Variants in XPO5 observed in about 807,000 individuals in gnomAD.
The protein encoded by XPO5 is exportin-5.
A neutral mutation model predicts 160.6 loss-of-function variants in XPO5; 46 were observed. The ratio of observed to expected loss-of-function variants is 0.29; its 90% CI spans 0.23 to 0.37. XPO5 has a LOEUF of 0.37. Ranked by LOEUF, XPO5 falls within the 10% of genes least tolerant of loss-of-function variation. The pLI, the probability that XPO5 is intolerant of heterozygous loss-of-function variation, is 1.00. For synonymous variants in XPO5, 537 were observed against 519.3 expected (o/e 1.03, Z -0.46); for missense variants, 1,090 against 1,463.9 (o/e 0.74, Z 4.17).
chr6:43,535,306 A>G (rs1185630331), intron 20 of XPO5, among the ~76,000 whole-genome samples: 2 of 151,470 alleles, frequency 1.3e-5, no homozygotes, highest in South Asian at 2.1e-4. Flanking sequence ...AAGTGTTTCT[A>G]TGGCTGGGCC....
At chr6:43,567,540 A>C (rs1762757393) in intron 6 of XPO5, among the ~76,000 whole-genome samples, 186 bp from the exon 7 acceptor site, 1 of 152,188 alleles carries the variant, frequency 6.6e-6, no homozygotes, top group Non-Finnish European at 1.5e-5. Context: ...TCCAACAACA[A>C]GACCATACTG....
At chr6:43,572,417 A>C in intron 3 of XPO5, 89 bp downstream of exon 3, 1 of 1,262,284 alleles carries the variant, frequency 7.9e-7, no homozygotes, top group Non-Finnish European at 1.2e-6. Flanking sequence ...ATTTAGAAGC[A>C]GTGAATTTTT....
intron 28 of XPO5, 21 bp downstream of exon 28, chr6:43,525,818 T>C (rs1793549523): frequency 1.2e-6 from 2 of 1,613,130 alleles, no homozygotes; most frequent in Non-Finnish European, 1.7e-6. Context: ...AGTAAAGGTA[T>C]CACCTGCTCC....
At chr6:43,527,416 C>G (rs1793665976) in intron 26 of XPO5, 2 of 433,038 alleles carry the variant, frequency 4.6e-6, no homozygotes, top group South Asian at 4.8e-5. Context: ...GGACTACAGG[C>G]CTGCGCGCCA....
At chr6:43,554,679 T>C (rs904745412) in intron 13 of XPO5, among the ~76,000 whole-genome samples, 1 of 152,112 alleles carries the variant, frequency 6.6e-6, no homozygotes, top group Non-Finnish European at 1.5e-5. Context: ...AGCCTCGGCC[T>C]CCTGAAGTGC....
At chr6:43,540,714 G>A (rs796250169) in intron 20 of XPO5, among the ~76,000 whole-genome samples, 4 of 152,316 alleles carry the variant, frequency 2.6e-5, no homozygotes, top group African/African-American at 9.6e-5. Context: ...CTGGTCTCCA[G>A]CAATGTTCCT....
intron 13 of XPO5, 75 bp from the exon 14 acceptor site, chr6:43,553,578 CACAG>C: frequency 2.7e-6 from 4 of 1,500,342 alleles, no homozygotes; most frequent in Non-Finnish European, 3.6e-6. Flanking sequence ...TCGCAGAAGA[CACAG>C]AGAGACAATG....
intron 20 of XPO5, among the ~76,000 whole-genome samples, chr6:43,535,696 C>T (rs924362527): frequency 1.2e-4 from 18 of 151,682 alleles, no homozygotes; most frequent in Non-Finnish European, 2.2e-4. Context: ...CGCCTGTAGT[C>T]CCAGCTACTC....
chr6:43,564,740 T>A (rs1343406683), intron 8 of XPO5, among the ~76,000 whole-genome samples: 3 of 152,080 alleles, frequency 2.0e-5, no homozygotes, highest in Admixed American at 2.0e-4. Flanking sequence ...TAGCTGGGAC[T>A]ACAAGTACAC....
intron 17 of XPO5, among the ~76,000 whole-genome samples, chr6:43,549,182 C>G (rs542757400): frequency 1.3e-5 from 2 of 152,232 alleles, no homozygotes; most frequent in Admixed American, 6.5e-5. Flanking sequence ...CTGCCTCAGC[C>G]TCCTGACTAG....
At chr6:43,534,560 G>C (rs1794196597) in intron 20 of XPO5, among the ~76,000 whole-genome samples, 1 of 152,194 alleles carries the variant, frequency 6.6e-6, no homozygotes, top group African/African-American at 2.4e-5. Context: ...CTGTGAACTT[G>C]ATATACCCGC....
At chr6:43,572,154 T>C (rs1330641901) in intron 3 of XPO5, among the ~76,000 whole-genome samples, 3 of 152,242 alleles carry the variant, frequency 2.0e-5, no homozygotes, top group Non-Finnish European at 4.4e-5. Context: ...CACAGCTCAC[T>C]GCAGCCTGGA....
At position 43,576,029 on chromosome 6, in the gene XPO5, C is replaced by A; in HGVS notation, c.-165G>T. ...GCAACTCGCGCTGGGAAGAAGCCGGCGCTGCGCACGCGCCCGGCCCGCCAC... is the reference window on the plus strand; with the variant it reads ...GCAACTCGCGCTGGGAAGAAGCCGGAGCTGCGCACGCGCCCGGCCCGCCAC... On this transcript the variant is annotated 5_prime_UTR_variant, in exon 1 of 32. Coordinates refer to ENST00000265351, the MANE Select transcript of XPO5 (RefSeq NM_020750.3). 1 of 576,428 alleles carries A rather than the reference C, an allele frequency of 1.7e-6. No individual in the cohort carries two copies. The highest frequency in any genetic ancestry group is 2.9e-6 in the Non-Finnish European group (1 of 340,626). The allele number at this position is 576,428 out of a possible 1,614,324, so 35.7% of individuals were successfully genotyped here.
At chr6:43,536,732 C>T (rs1343439836) in intron 20 of XPO5, among the ~76,000 whole-genome samples, 1 of 126,892 alleles carries the variant, frequency 7.9e-6, no homozygotes, top group East Asian at 2.3e-4. Context: ...TGCACTCCAG[C>T]CTGGACGACA....
chr6:43,554,427 T>C (rs528919884), intron 13 of XPO5, among the ~76,000 whole-genome samples: 22 of 150,652 alleles, frequency 1.5e-4, no homozygotes, highest in African/African-American at 3.7e-4. Context: ...CTTTTCTTTT[T>C]TTTTTTTTTC....
chr6:43,552,406 G>A (rs1224171618), intron 14 of XPO5, among the ~76,000 whole-genome samples: 1 of 151,876 alleles, frequency 6.6e-6, no homozygotes, highest in African/African-American at 2.4e-5. Context: ...AGGCTGGAGT[G>A]CACTGGCGTG....
intron 20 of XPO5, among the ~76,000 whole-genome samples, chr6:43,543,731 CT>C (rs1310079071): frequency 6.6e-6 from 1 of 151,664 alleles, no homozygotes; most frequent in Non-Finnish European, 1.5e-5. Context: ...AGGGAAGACT[CT>C]TCCCTGTGAT....
chr6:43,550,224 CTTT>C (rs770439725), intron 15 of XPO5, among the ~76,000 whole-genome samples: 3 of 152,176 alleles, frequency 2.0e-5, no homozygotes, highest in Non-Finnish European at 2.9e-5. Context: ...CCTCTCTCTT[CTTT>C]TATCAAAAGT....
intron 24 of XPO5, 121 bp downstream of exon 24, chr6:43,528,707 G>T: frequency 1.1e-6 from 1 of 939,370 alleles, no homozygotes; most frequent in Non-Finnish European, 1.7e-6. Context: ...TAGAAGCTCT[G>T]CCCAGCCAGT....
Sources: gnomAD v4.1 joint callset for allele counts (sites outside exome capture counted in the v4.1 genomes callset) on GRCh38, gnomAD v4.1.1 for gene constraint, MANE v1.5 for transcripts, NCBI Gene and HGNC (gene_info 2026-07-23, HGNC 2026-07-21) for gene names.